Variants in BMP8A observed in about 807,000 individuals in gnomAD.
The protein encoded by BMP8A is BMP-8A.
A neutral mutation model predicts 36.8 loss-of-function variants in BMP8A; 14 were observed. The ratio of observed to expected loss-of-function variants is 0.38; its 90% CI spans 0.25 to 0.60. The LOEUF (loss-of-function observed/expected upper bound fraction) is 0.60. BMP8A is among the 20% of genes least tolerant of loss of function. The pLI, the probability that BMP8A is intolerant of heterozygous loss-of-function variation, is 0.63. For missense variants in BMP8A, 267 were observed against 551.1 expected, an observed-to-expected ratio of 0.48 and a Z score of 5.16; for synonymous variants, 120 against 237.7, an observed-to-expected ratio of 0.50 and a Z score of 4.55.
chr1:39,518,142 A>G (rs867974232), intron 3 of BMP8A, among the ~76,000 whole-genome samples: 3 of 152,180 alleles, frequency 2.0e-5, no homozygotes, highest in African/African-American at 7.2e-5. Flanking sequence ...CGTGCTGTTG[A>G]CAGCCAAGCC....
chr1:39,517,142 T>TGGC (rs1645400507), intron 3 of BMP8A, among the ~76,000 whole-genome samples: 1 of 151,606 alleles, frequency 6.6e-6, no homozygotes, highest in Non-Finnish European at 1.5e-5. Context: ...CACATCACAA[T>TGGC]GCCTGCTTAT....
At chr1:39,513,982 G>A (rs1445180186) in intron 3 of BMP8A, among the ~76,000 whole-genome samples, 1 of 151,682 alleles carries the variant, frequency 6.6e-6, no homozygotes, top group East Asian at 1.9e-4. Context: ...AGAAGCAAGG[G>A]TTTGTCATTT....
chr1:39,518,418 GGC>G, intron 3 of BMP8A, among the ~76,000 whole-genome samples: 1 of 125,122 alleles, frequency 8.0e-6, no homozygotes, highest in South Asian at 2.9e-4. Flanking sequence ...TCATCTAGTG[GGC>G]AGTGGGGTGC....
chr1:39,511,097 G>A (rs1056032009), intron 1 of BMP8A, 77 bp from the exon 2 acceptor site: 30 of 1,558,830 alleles, frequency 1.9e-5, no homozygotes, highest in Middle Eastern at 2.2e-4. Context: ...GTCTGGGGGC[G>A]GTGGCTCACA....
intron 1 of BMP8A, among the ~76,000 whole-genome samples, chr1:39,506,721 A>G (rs1035365033): frequency 6.6e-6 from 1 of 151,656 alleles, no homozygotes; most frequent in African/African-American, 2.4e-5. Context: ...TTCTTTGTGT[A>G]CTTCCTAGCA....
chr1:39,492,891 C>A, intron 1 of BMP8A, among the ~76,000 whole-genome samples: 1 of 152,096 alleles, frequency 6.6e-6, no homozygotes. Context: ...GGCCTTGTCA[C>A]CCTGGGCCCT....
Position 39,518,963 on chromosome 1 carries a change from G to C in BMP8A, c.674-2413G>C, listed in dbSNP as rs1345490098. On this transcript the variant is annotated intron_variant, in intron 3 of 6. Coordinates refer to ENST00000331593, the MANE Select transcript of BMP8A (RefSeq NM_181809.4). ...GGAACCTGGGATTAGCTGCTTCCAA[G>C]GTTTCAAGGCTCGCCTGGCCTGTGA... 8.1e-5 allele frequency among the ~76,000 whole-genome samples: 7 copies of C among 86,708 alleles called. 3 individuals carry two copies. The highest frequency in any genetic ancestry group is 6.1e-4 in the Admixed American group (5 of 8,222). 56.9% of individuals were successfully genotyped at this position (86,708 alleles called of 152,430 possible).
intron 1 of BMP8A, among the ~76,000 whole-genome samples, chr1:39,504,765 T>C (rs1645285787): frequency 1.3e-5 from 2 of 152,096 alleles, no homozygotes; most frequent in East Asian, 1.9e-4. Flanking sequence ...TCTGAGTTCC[T>C]TCAGTATTTA....
intron 1 of BMP8A, among the ~76,000 whole-genome samples, chr1:39,493,168 T>A (rs1274132217): frequency 6.6e-6 from 1 of 152,092 alleles, no homozygotes; most frequent in Admixed American, 6.5e-5. Flanking sequence ...CAGGCCGGGG[T>A]CTGGGAGCCA....
rs533993799 is a variant in BMP8A at position 39,525,945 on chromosome 1, C to T, written c.*147C>T. ...CCTACTTCCTGTCAGGCTTCTGGTC[C>T]TTTCTCGGTACCTCTGTGCCCCTCC... is the stretch of plus-strand genomic sequence containing the variant. On this transcript the variant is annotated 3_prime_UTR_variant, in exon 7 of 7. Transcript: ENST00000331593. 458 of 1,367,572 alleles carry T rather than the reference C, an allele frequency of 3.3e-4. 1 individual carries two copies. The highest frequency in any genetic ancestry group is 3.0e-3 in the East Asian group (125 of 41,702). The allele number at this position is 1,367,572 out of a possible 1,614,324, so 84.7% of individuals were successfully genotyped here.
rs1047494032 is a variant in BMP8A, at chr1:39,514,841, G to A, written c.673+2937G>A. Reference sequence around the variant, plus strand: ...CCTAGAGCCTGCGCCTGGCCGGGGAGACCTGCTGGGAGGGAGTGCGTCAGG... The same window carrying A: ...CCTAGAGCCTGCGCCTGGCCGGGGAAACCTGCTGGGAGGGAGTGCGTCAGG... On this transcript the variant is annotated intron_variant, in intron 3 of 6. Coordinates refer to ENST00000331593, the MANE Select transcript of BMP8A (RefSeq NM_181809.4). The A allele has an allele frequency of 1.1e-5, 13 of 1,162,260 alleles. No individual in the cohort carries two copies. In the African/African-American group the frequency reaches 1.3e-4, roughly 12 times the overall value. 72.0% of individuals were successfully genotyped at this position (1,162,260 alleles called of 1,614,324 possible). A position where few individuals can be genotyped will look rare whatever the true frequency, so the allele number is the denominator to read the frequency against.
intron 1 of BMP8A, among the ~76,000 whole-genome samples, chr1:39,502,422 A>T (rs910967213): frequency 6.6e-6 from 1 of 152,110 alleles, no homozygotes; most frequent in Non-Finnish European, 1.5e-5. Flanking sequence ...AAGTATTGAC[A>T]CTCCAGGACA....
Position 39,529,271 on chromosome 1 carries a change from T to C in BMP8A, c.*3473T>C, listed in dbSNP as rs1284905629. The C allele has an allele frequency of 1.3e-5, 2 of 152,256 alleles. No homozygotes were observed. The highest frequency in any genetic ancestry group is 2.9e-5 in the Non-Finnish European group (2 of 68,050). The allele number at this position is 152,256 out of a possible 1,614,324, so 9.4% of individuals were successfully genotyped here. ...AAAACCCACTCCTCCCAGAATATGC[T>C]TAGAGGTGCTGCTGTATTTACCTGA... On this transcript the variant is annotated 3_prime_UTR_variant, in exon 7 of 7. Transcript: ENST00000331593.
At chr1:39,501,817 G>C (rs1201291974) in intron 1 of BMP8A, among the ~76,000 whole-genome samples, 1 of 152,168 alleles carries the variant, frequency 6.6e-6, no homozygotes, top group African/African-American at 2.4e-5. Flanking sequence ...CATTTTGCTA[G>C]ATTACTGCCA....
intron 1 of BMP8A, among the ~76,000 whole-genome samples, chr1:39,509,697 G>T (rs531616473): frequency 6.6e-6 from 1 of 152,166 alleles, no homozygotes; most frequent in Non-Finnish European, 1.5e-5. Flanking sequence ...CCCCACATCC[G>T]CCTCGGCCCG....
rs1224699561 is a variant in BMP8A, at chr1:39,492,036, G to A, written c.45G>A (p.Leu15=). Residue 15 remains leucine (L), a synonymous_variant, in exon 1 of 7, where the codon TTG becomes TTA. Transcript: ENST00000331593. ...CGCTCTGGCTTCTGGGCCTGACGTTGTGCGCGCTGGGCGGGGGCGGCCCCG... is the reference window on the plus strand; with the variant it reads ...CGCTCTGGCTTCTGGGCCTGACGTTATGCGCGCTGGGCGGGGGCGGCCCCG... ...PGPLWLLGLT[L]CALGGGGPGL... 20 of 1,097,200 alleles carry A rather than the reference G, an allele frequency of 1.8e-5. 1 individual carries two copies. In the Middle Eastern group the frequency reaches 2.4e-3, roughly 131 times the overall value. 68.0% of individuals were successfully genotyped at this position (1,097,200 alleles called of 1,614,324 possible). A position where few individuals can be genotyped will look rare whatever the true frequency, so the allele number is the denominator to read the frequency against.
At chr1:39,500,154 TTG>T (rs1424681749) in intron 1 of BMP8A, among the ~76,000 whole-genome samples, 3 of 152,208 alleles carry the variant, frequency 2.0e-5, no homozygotes, top group Non-Finnish European at 4.4e-5. Flanking sequence ...TGCAGAGCCT[TTG>T]TATCCACTGT....
chr1:39,510,501 C>A (rs1239718051), intron 1 of BMP8A, among the ~76,000 whole-genome samples: 1 of 148,418 alleles, frequency 6.7e-6, no homozygotes, highest in Non-Finnish European at 1.5e-5. Flanking sequence ...GGGTCTCCTG[C>A]CCTCTGCTGT....
Position 39,509,605 on chromosome 1 carries a change from G to A in BMP8A, c.335-1569G>A, listed in dbSNP as rs528476954. 1.8e-3 allele frequency among the ~76,000 whole-genome samples: 280 copies of A among 152,218 alleles called. 2 individuals are homozygous for A. The highest frequency in any genetic ancestry group is 6.0e-3 in the South Asian group (29 of 4,816). On this transcript the variant is annotated intron_variant, in intron 1 of 6. Transcript: ENST00000331593. ...CGGCCACCTCCTCCTGCCCACACAC[G>A]TCTGGCCCCATCCCCCGCCCCGCAC...
Sources: allele counts gnomAD v4.1 joint callset (sites outside exome capture counted in the v4.1 genomes callset), GRCh38; gene constraint gnomAD v4.1.1; transcripts MANE v1.5; gene names NCBI Gene and HGNC (gene_info 2026-07-23, HGNC 2026-07-21).